The following CDH9 variants were observed in gnomAD, a reference collection of about 807,000 sequenced individuals.
CDH9 encodes cadherin-9.
A neutral mutation model predicts 70.9 loss-of-function variants in CDH9; 28 were observed. The observed-to-expected ratio is 0.40, with a 90% CI of 0.29 to 0.54. The LOEUF (loss-of-function observed/expected upper bound fraction) is 0.54, where lower values mean the gene tolerates loss of function less well. Ranked by LOEUF, CDH9 falls within the 20% of genes least tolerant of loss-of-function variation. CDH9 has a pLI of 0.59. For synonymous variants in CDH9, 409 were observed against 343.1 expected, an observed-to-expected ratio of 1.19 and a Z score of -2.12; for missense variants, 874 against 984.4, an observed-to-expected ratio of 0.89 and a Z score of 1.50.
intron 2 of CDH9, among the ~76,000 whole-genome samples, chr5:26,987,541 A>G (rs1278878432): frequency 2.6e-5 from 4 of 152,046 alleles, no homozygotes; most frequent in African/African-American, 9.7e-5. Context: ...AGGGAGTTAC[A>G]TATTCTCTAT....
chr5:26,977,357 G>A (rs909183002), intron 2 of CDH9, among the ~76,000 whole-genome samples: 7 of 151,716 alleles, frequency 4.6e-5, no homozygotes, highest in Admixed American at 4.6e-4. Flanking sequence ...AAACCATAAT[G>A]CCTCAATAAT....
chr5:26,885,885 A>C lies in CDH9; in HGVS notation c.1631-20T>G. ...TATTATCTGGGGGAGAAAACATGTA[A>C]AAAAACAAAAACTTTCATATTTGTT... On this transcript the variant is annotated intron_variant, in intron 10 of 11. Coordinates refer to ENST00000231021, the MANE Select transcript of CDH9 (RefSeq NM_016279.4). 6.2e-7 allele frequency: 1 copy of C among 1,608,130 alleles called. No individual in the cohort carries two copies. The highest frequency in any genetic ancestry group is 8.5e-7 in the Non-Finnish European group (1 of 1,177,424).
intron 2 of CDH9, among the ~76,000 whole-genome samples, chr5:26,944,036 A>G (rs1001953019): frequency 7.2e-5 from 11 of 152,120 alleles, no homozygotes; most frequent in African/African-American, 1.7e-4. Flanking sequence ...CTTATTGATC[A>G]TATCTACCAT....
chr5:26,880,898 T>G lies in CDH9; in HGVS notation c.*238A>C. 2.9e-6 allele frequency: 1 copy of G among 346,376 alleles called. No individual in the cohort carries two copies. The highest frequency in any genetic ancestry group is 5.2e-6 in the Non-Finnish European group (1 of 192,110). 21.5% of individuals were successfully genotyped at this position (346,376 alleles called of 1,614,324 possible). A position where few individuals can be genotyped will look rare whatever the true frequency, so the allele number is the denominator to read the frequency against. On this transcript the variant is annotated 3_prime_UTR_variant, in exon 12 of 12. Coordinates refer to ENST00000231021, the MANE Select transcript of CDH9 (RefSeq NM_016279.4). ...TTATTGATTATTGATGTGATATATT[T>G]TCCTTCCGAGATTGTTAGGCAAAGA...
intron 2 of CDH9, among the ~76,000 whole-genome samples, chr5:26,918,034 A>G (rs1736843865): frequency 6.6e-6 from 1 of 152,176 alleles, no homozygotes; most frequent in South Asian, 2.1e-4. Flanking sequence ...TTATTAATGT[A>G]ATTGCTTGAA....
In CDH9 at chr5:26,885,804, G is replaced by A. The variant is rs199699428; in HGVS notation, c.1692C>T (p.Tyr564=). 20 of 1,613,738 alleles carry A rather than the reference G, an allele frequency of 1.2e-5. No homozygotes were observed. The East Asian group carries it at 4.5e-4, about 36-fold the overall frequency. ...DGYSRNKMST[Y]LLPILIFDND... ...TGTCAAAGATTAAAATCGGCAATAA[G>A]TAGGTGCTCATTTTGTTGCGACTGT... Residue 564 remains tyrosine, a synonymous_variant, in exon 11 of 12, where the codon TAC becomes TAT. Transcript: ENST00000231021.
At chr5:26,950,164 T>G (rs1337300034) in intron 2 of CDH9, among the ~76,000 whole-genome samples, 3 of 152,166 alleles carry the variant, frequency 2.0e-5, no homozygotes, top group South Asian at 2.1e-4. Flanking sequence ...CTACTGGGTA[T>G]AGAAGGATTA....
chr5:26,997,843 G>T (rs887045745), intron 1 of CDH9, among the ~76,000 whole-genome samples: 6 of 151,974 alleles, frequency 3.9e-5, no homozygotes, highest in African/African-American at 1.5e-4. Flanking sequence ...GGAACTACAG[G>T]CACATGCCAT....
chr5:26,959,798 A>G (rs182073900), intron 2 of CDH9, among the ~76,000 whole-genome samples: 1 of 152,204 alleles, frequency 6.6e-6, no homozygotes, highest in African/African-American at 2.4e-5. Flanking sequence ...TAAAATAAAT[A>G]CAAAATATCC....
chr5:26,889,616 T>C (rs1227128764), intron 9 of CDH9, among the ~76,000 whole-genome samples: 1 of 152,104 alleles, frequency 6.6e-6, no homozygotes, highest in African/African-American at 2.4e-5. Context: ...TTAAAACATA[T>C]GTTATAATAT....
intron 7 of CDH9, among the ~76,000 whole-genome samples, chr5:26,897,730 C>T (rs1202156264): frequency 6.6e-6 from 1 of 152,142 alleles, no homozygotes; most frequent in Non-Finnish European, 1.5e-5. Context: ...TGGGCACAGG[C>T]TGGAAACATT....
intron 2 of CDH9, among the ~76,000 whole-genome samples, chr5:26,930,173 A>AT (rs1267743363): frequency 6.6e-6 from 1 of 152,058 alleles, no homozygotes; most frequent in Non-Finnish European, 1.5e-5. Context: ...ATATAGAAAT[A>AT]TTTTTTAAAT....
chr5:26,902,916 G>T, intron 6 of CDH9, 187 bp from the exon 7 acceptor site: 1 of 515,018 alleles, frequency 1.9e-6, no homozygotes, highest in Non-Finnish European at 3.4e-6. Context: ...ATTCACAGAG[G>T]GTTAACTTAA....
intron 2 of CDH9, among the ~76,000 whole-genome samples, chr5:26,960,669 T>C (rs183068960): frequency 6.6e-6 from 1 of 152,140 alleles, no homozygotes; most frequent in Admixed American, 6.5e-5. Context: ...TGCACTAGTA[T>C]ATACTAAATA....
intron 7 of CDH9, among the ~76,000 whole-genome samples, chr5:26,891,020 T>C (rs1021761714): frequency 2.6e-5 from 4 of 152,214 alleles, no homozygotes; most frequent in African/African-American, 9.6e-5. Flanking sequence ...TACATCGCTC[T>C]TGAATGTTTT....
intron 2 of CDH9, among the ~76,000 whole-genome samples, chr5:26,974,393 T>C (rs1029977931): frequency 2.0e-5 from 3 of 152,178 alleles, no homozygotes; most frequent in Non-Finnish European, 4.4e-5. Flanking sequence ...TCTATAGGTT[T>C]GAAAGATATT....
chr5:26,987,091 CTTTTT>C (rs201154706), intron 2 of CDH9, among the ~76,000 whole-genome samples: 40,772 of 108,412 alleles, frequency 0.38, 5,529 homozygotes, highest in Non-Finnish European at 0.48. Context: ...CACTTGTATT[CTTTTT>C]TTTTTTTTTT....
chr5:26,997,694 A>G (rs570116460), intron 1 of CDH9, among the ~76,000 whole-genome samples: 2 of 144,124 alleles, frequency 1.4e-5, no homozygotes, highest in African/African-American at 5.2e-5. Context: ...TTATTATCAC[A>G]AACAAATGGT....
chr5:26,882,282 C>T (rs1203608728), intron 11 of CDH9, among the ~76,000 whole-genome samples: 3 of 151,988 alleles, frequency 2.0e-5, no homozygotes, highest in African/African-American at 7.2e-5. Context: ...TTTAACTTAT[C>T]GTGCAAAACA....
Sources: gnomAD v4.1 joint callset for allele counts (sites outside exome capture counted in the v4.1 genomes callset) on GRCh38, gnomAD v4.1.1 for gene constraint, MANE v1.5 for transcripts, NCBI Gene and HGNC (gene_info 2026-07-23, HGNC 2026-07-21) for gene names.